ATXN1: variants seen among roughly 807,000 people sequenced by gnomAD.
The protein encoded by ATXN1 is ataxin 1, also known as ataxin-1.
In ATXN1, 8 loss-of-function variants were observed where a neutral mutation model predicts 56.4. The ratio of observed to expected loss-of-function variants is 0.14; its 90% CI spans 0.08 to 0.26. ATXN1 has a LOEUF of 0.26. ATXN1 is among the 10% of genes least tolerant of loss of function. The pLI is 1.00. For synonymous variants in ATXN1, 514 were observed against 494.6 expected, an observed-to-expected ratio of 1.04 and a Z score of -0.52; for missense variants, 987 against 1,106.5, an observed-to-expected ratio of 0.89 and a Z score of 1.53.
intron 6 of ATXN1, among the ~76,000 whole-genome samples, chr6:16,333,886 A>C (rs1581696305): frequency 6.6e-6 from 1 of 152,296 alleles, no homozygotes; most frequent in East Asian, 1.9e-4. Flanking sequence ...CATTAAAAAC[A>C]GGTCCAAACC....
intron 2 of ATXN1, among the ~76,000 whole-genome samples, chr6:16,730,943 C>G (rs757474226): frequency 6.6e-6 from 1 of 152,066 alleles, no homozygotes; most frequent in Non-Finnish European, 1.5e-5. Context: ...TTTCAAAATT[C>G]CTTTGTGTAT....
At chr6:16,555,482 A>G (rs760836360) in intron 4 of ATXN1, among the ~76,000 whole-genome samples, 3 of 152,194 alleles carry the variant, frequency 2.0e-5, no homozygotes, top group Non-Finnish European at 2.9e-5. Flanking sequence ...CAATGCTACC[A>G]TATGTCAAAC....
chr6:16,754,912 G>C (rs555155503), intron 1 of ATXN1, among the ~76,000 whole-genome samples: 34 of 152,278 alleles, frequency 2.2e-4, no homozygotes, highest in African/African-American at 7.7e-4. Context: ...ACTTCTTTAA[G>C]GATGAGGAAG....
intron 2 of ATXN1, among the ~76,000 whole-genome samples, chr6:16,703,574 A>C (rs1759338306): frequency 6.6e-6 from 1 of 152,196 alleles, no homozygotes; most frequent in Non-Finnish European, 1.5e-5. Context: ...TAAACAAAAG[A>C]CTTGGAGACT....
chr6:16,634,930 A>G (rs1015480558), intron 3 of ATXN1, among the ~76,000 whole-genome samples: 3 of 152,136 alleles, frequency 2.0e-5, no homozygotes, highest in Non-Finnish European at 4.4e-5. Flanking sequence ...TTTGTTTACA[A>G]TTGCACTGGT....
intron 2 of ATXN1, among the ~76,000 whole-genome samples, chr6:16,720,104 C>T (rs1216651745): frequency 6.6e-6 from 1 of 152,144 alleles, no homozygotes; most frequent in Non-Finnish European, 1.5e-5. Context: ...GAGCCTTCAC[C>T]TGGCCATTCT....
rs1022204851 is a variant in ATXN1, at chr6:16,303,611, T to G, written c.*2718A>C. The G allele has an allele frequency of 7.9e-5, 12 of 152,782 alleles. No homozygotes were observed. Among genetic ancestry groups the G allele is most frequent in the Admixed American group, 2.0e-4 (3 of 15,302 alleles). 9.5% of individuals were successfully genotyped at this position (152,782 alleles called of 1,614,324 possible). A position where few individuals can be genotyped will look rare whatever the true frequency, so the allele number is the denominator to read the frequency against. On this transcript the variant is annotated 3_prime_UTR_variant, in exon 8 of 8. Coordinates refer to ENST00000436367, the MANE Select transcript of ATXN1 (RefSeq NM_001128164.2). The surrounding 1 kb of genome is among the most constrained non-coding windows in gnomAD (Gnocchi z 4.3). Reference sequence around the variant, plus strand: ...AAGTGTTTAGAAAGAACCAATTATTTTATAATTCCTATACCTGAAATAGAA... The same window carrying G: ...AAGTGTTTAGAAAGAACCAATTATTGTATAATTCCTATACCTGAAATAGAA...
At chr6:16,608,475 C>G (rs1763050369) in intron 3 of ATXN1, among the ~76,000 whole-genome samples, 2 of 152,184 alleles carry the variant, frequency 1.3e-5, no homozygotes, top group African/African-American at 2.4e-5. Context: ...AGACGTGTGA[C>G]ACTATTATTC....
At chr6:16,611,133 A>G (rs1029400331) in intron 3 of ATXN1, among the ~76,000 whole-genome samples, 3 of 152,344 alleles carry the variant, frequency 2.0e-5, no homozygotes, top group South Asian at 4.1e-4. Flanking sequence ...GAAAAGTTAC[A>G]TAATATTTAA....
intron 7 of ATXN1, among the ~76,000 whole-genome samples, chr6:16,309,213 G>C (rs935630671): frequency 1.3e-5 from 2 of 148,368 alleles, no homozygotes; most frequent in African/African-American, 5.0e-5. Flanking sequence ...GGACAACAGA[G>C]TGAGACTCTG....
intron 5 of ATXN1, among the ~76,000 whole-genome samples, chr6:16,522,142 A>C (rs1400924119): frequency 6.6e-6 from 1 of 152,200 alleles, no homozygotes; most frequent in Non-Finnish European, 1.5e-5. Flanking sequence ...AGCCCCATAA[A>C]GGTGATGTGA....
rs1394922050 is a variant in ATXN1, at chr6:16,760,982, G to GC, written c.-730+315dup. ...GCGGGCGCCCACCCAGCCCCTGACA[G>GC]CCCCCCCGCCGGCCGCCCCTGCGCC... On this transcript the variant is annotated intron_variant, in intron 1 of 7. Coordinates refer to ENST00000436367, the MANE Select transcript of ATXN1 (RefSeq NM_001128164.2). The surrounding 1 kb of genome is among the most constrained non-coding windows in gnomAD (Gnocchi z 5.3). 1.3e-5 allele frequency among the ~76,000 whole-genome samples: 2 copies of GC among 148,246 alleles called. No homozygotes were observed. The highest frequency in any genetic ancestry group is 2.0e-4 in the East Asian group (1 of 4,970).
chr6:16,534,700 A>G (rs1288335980), intron 4 of ATXN1, among the ~76,000 whole-genome samples: 2 of 152,016 alleles, frequency 1.3e-5, no homozygotes, highest in Admixed American at 6.5e-5. Flanking sequence ...TTCCTACCTA[A>G]AATAAACCCA....
At chr6:16,534,650 T>G (rs752791751) in intron 4 of ATXN1, among the ~76,000 whole-genome samples, 1 of 152,118 alleles carries the variant, frequency 6.6e-6, no homozygotes, top group Non-Finnish European at 1.5e-5. Context: ...ACTACACCAC[T>G]GGTCCATTTC....
At chr6:16,347,246 G>C (rs551892948) in intron 6 of ATXN1, among the ~76,000 whole-genome samples, 11 of 152,326 alleles carry the variant, frequency 7.2e-5, no homozygotes, top group South Asian at 4.1e-4. Context: ...CTGGCAGGCA[G>C]CTCCACCTAC....
chr6:16,348,150 G>T (rs1761474009), intron 6 of ATXN1, among the ~76,000 whole-genome samples: 1 of 152,200 alleles, frequency 6.6e-6, no homozygotes, highest in Admixed American at 6.5e-5. Context: ...GTTTACTGTA[G>T]CCTCGACCTC....
chr6:16,417,274 A>G (rs1758930698), intron 6 of ATXN1, among the ~76,000 whole-genome samples: 1 of 152,126 alleles, frequency 6.6e-6, no homozygotes, highest in Non-Finnish European at 1.5e-5. Context: ...ACCTTAGGCA[A>G]TCCTCCTGCC....
At chr6:16,408,907 A>G (rs1266351135) in intron 6 of ATXN1, among the ~76,000 whole-genome samples, 1 of 152,176 alleles carries the variant, frequency 6.6e-6, no homozygotes, top group East Asian at 1.9e-4. Flanking sequence ...TGCTTTGCTT[A>G]ATTCCAAAAT....
intron 2 of ATXN1, among the ~76,000 whole-genome samples, chr6:16,690,514 A>G (rs1329389846): frequency 6.6e-6 from 1 of 152,180 alleles, no homozygotes; most frequent in Admixed American, 6.5e-5. Context: ...TTACAGCAGA[A>G]GCAGTGTTAG....
Sources: allele counts gnomAD v4.1 joint callset (sites outside exome capture counted in the v4.1 genomes callset), GRCh38; gene constraint gnomAD v4.1.1; non-coding constraint Gnocchi (gnomAD v3.1); transcripts MANE v1.5; gene names NCBI Gene and HGNC (gene_info 2026-07-23, HGNC 2026-07-21).